The following NES variants were observed in gnomAD, a reference collection of about 807,000 sequenced individuals.
The protein encoded by NES is nestin.
A neutral mutation model predicts 35.6 loss-of-function variants in NES; 27 were observed. The ratio of observed to expected loss-of-function variants is 0.76; its 90% CI spans 0.56 to 1.04. NES has a LOEUF of 1.04. NES is among the 50% of genes least tolerant of loss of function. The pLI, the probability that NES is intolerant of heterozygous loss-of-function variation, is 0.00. For synonymous variants in NES, 822 were observed against 824.2 expected, an observed-to-expected ratio of 1.00 and a Z score of 0.04; for missense variants, 1,867 against 1,983.6, an observed-to-expected ratio of 0.94 and a Z score of 1.12.
At position 156,671,053 on chromosome 1, in the gene NES, T is replaced by C; in HGVS notation, c.3135A>G (p.Ser1045=). 6.2e-7 allele frequency: 1 copy of C among 1,613,646 alleles called. No individual in the cohort carries two copies. The highest frequency in any genetic ancestry group is 1.1e-5 in the South Asian group (1 of 91,060). The change falls in exon 4 of 4, where the codon TCA becomes TCG. Residue 1045 remains serine (S), a synonymous_variant. Coordinates refer to ENST00000368223, the MANE Select transcript of NES (RefSeq NM_006617.2). ...AEGLQDPEGQ[S]QQVGAPGLQA... The stretch of plus-strand genomic sequence containing the variant: ...GGAGGCCTGGGGCCCCCACCTGTTG[T>C]GATTGCCCTTCAGGGTCCTGGAGGC...
At position 156,676,620 on chromosome 1, in the gene NES, C is replaced by A; in HGVS notation, c.645G>T (p.Val215=). Residue 215 remains valine (V), a synonymous_variant, in exon 1 of 4, where the codon GTG becomes GTT. Coordinates refer to ENST00000368223, the MANE Select transcript of NES (RefSeq NM_006617.2). The surrounding 1 kb of genome is among the most constrained non-coding windows in gnomAD (Gnocchi z 5.3). The stretch of plus-strand genomic sequence containing the variant: ...CCAGGCGGCCCTCGCGGGCACCCTG[C>A]ACCGCCCGGCCCAGCCGCTCGCGGG... ...GQARERLGRA[V]QGAREGRLEL... The A allele has an allele frequency of 6.4e-7, 1 of 1,552,116 alleles. No individual in the cohort carries two copies. Among genetic ancestry groups the A allele is most frequent in the Middle Eastern group, 1.8e-4 (1 of 5,684 alleles).
At position 156,671,642 on chromosome 1, in the gene NES, A is replaced by G. The variant is rs776839838; in HGVS notation, c.2546T>C (p.Leu849Pro). Residue 849 changes from leucine to proline, a missense_variant, in exon 4 of 4, where the codon CTG (leucine) becomes CCG (proline). By Grantham distance (98) the Leu-to-Pro change is moderately conservative. Transcript: ENST00000368223. Reference protein sequence around the residue: ...TLKSPETQAPLWTPEEINQGA... With the variant: ...TLKSPETQAPPWTPEEINQGA... ...CTGATTTATTTCTTCTGGAGTCCAC[A>G]GTGGTGCTTGAGTTTCTGGAGATTT... 1.2e-5 allele frequency: 19 copies of G among 1,613,866 alleles called. No individual in the cohort carries two copies. The South Asian group carries it at 2.0e-4, about 17-fold the overall frequency.
chr1:156,676,894 G>C lies in NES; in HGVS notation c.371C>G (p.Ala124Gly). ...CTCTGCCACCTGGCTACTCAGCCAGGCCCGGGCGCATTTCTCTGCCTCGAC... is the reference window on the plus strand; with the variant it reads ...CTCTGCCACCTGGCTACTCAGCCAGCCCCGGGCGCATTTCTCTGCCTCGAC... ...RAVEAEKCAR[A>G]WLSSQVAELE... Residue 124 changes from alanine (A) to glycine (G), a missense_variant, in exon 1 of 4, where the codon GCC becomes GGC. Coordinates refer to ENST00000368223, the MANE Select transcript of NES (RefSeq NM_006617.2). The surrounding 1 kb of genome is among the most constrained non-coding windows in gnomAD (Gnocchi z 5.3). 6.5e-7 allele frequency: 1 copy of C among 1,546,922 alleles called. No individual in the cohort carries two copies. Among genetic ancestry groups the C allele is most frequent in the Non-Finnish European group, 8.6e-7 (1 of 1,157,216 alleles).
intron 2 of NES, among the ~76,000 whole-genome samples, chr1:156,674,612 G>A (rs1306555905): frequency 6.6e-6 from 1 of 152,264 alleles, no homozygotes; most frequent in Non-Finnish European, 1.5e-5. Flanking sequence ...CAAGTGAGAA[G>A]CCACCCCTCC....
rs768984928 is a variant in NES, at chr1:156,672,494, T to C, written c.1694A>G (p.His565Arg). Residue 565 changes from histidine to arginine, a missense_variant, in exon 4 of 4, where the codon CAT becomes CGT. Coordinates refer to ENST00000368223, the MANE Select transcript of NES (RefSeq NM_006617.2). ...TTGATTCTCCCTTTCTAGTGTCTCA[T>C]GGCTCTGGTTTTCCAGAGTCTTCAG... is the stretch of plus-strand genomic sequence containing the variant. ...ESLKTLENQS[H>R]ETLERENQEC... 1 of 1,613,226 alleles carries C rather than the reference T, an allele frequency of 6.2e-7. No homozygotes were observed. Among genetic ancestry groups the C allele is most frequent in the Non-Finnish European group, 8.5e-7 (1 of 1,179,660 alleles).
In NES at chr1:156,670,404, C is replaced by G; in HGVS notation, c.3784G>C (p.Glu1262Gln). The G allele has an allele frequency of 1.9e-6, 3 of 1,578,726 alleles. No individual in the cohort carries two copies. In the South Asian group the frequency reaches 3.5e-5, roughly 19 times the overall value. Residue 1262 changes from glutamate (E) to glutamine (Q), a missense_variant, in exon 4 of 4, where the codon GAG (glutamate) becomes CAG (glutamine). Coordinates refer to ENST00000368223, the MANE Select transcript of NES (RefSeq NM_006617.2). ...RAEALGKVES[E>Q]QEELGSGEIP... ...TCCCCAGAACCCAACTCCTCCTGCT[C>G]GCTCTCTACTTTCCCCAGGGCTTCA... is the stretch of plus-strand genomic sequence containing the variant.
rs1679657938 is a variant in NES at position 156,669,698 on chromosome 1, C to T, written c.4490G>A (p.Gly1497Asp). The T allele has an allele frequency of 1.2e-6, 2 of 1,614,014 alleles. No individual in the cohort carries two copies. The highest frequency in any genetic ancestry group is 2.7e-5 in the African/African-American group (2 of 75,024). ...AACAGGGTCAGACTCTTCCTCTGAG[C>T]CAGAAGGCTCAGCACTGTCCTGGGA... is the stretch of plus-strand genomic sequence containing the variant. ...TESQDSAEPS[G>D]SEEESDPVSL... is the part of the protein sequence containing the mutation. The change falls in exon 4 of 4, where the codon GGC (glycine) becomes GAC (aspartate). Residue 1497 changes from glycine to aspartate, a missense_variant. Transcript: ENST00000368223.
Position 156,677,316 on chromosome 1 carries a change from G to A in NES, c.-52C>T. On this transcript the variant is annotated 5_prime_UTR_variant, in exon 1 of 4. Coordinates refer to ENST00000368223, the MANE Select transcript of NES (RefSeq NM_006617.2). This position sits in a 1 kb window ranked among gnomAD's most constrained non-coding sequence, Gnocchi z 4.5. ...GACAGACGCGGGGCACCGGGAGAAG[G>A]GAGCGGCTCGCAGAGCTTTTAGGAC... The A allele has an allele frequency of 1.3e-6, 2 of 1,488,322 alleles. No homozygotes were observed. The highest frequency in any genetic ancestry group is 1.8e-6 in the Non-Finnish European group (2 of 1,097,920). The allele number at this position is 1,488,322 out of a possible 1,614,324, so 92.2% of individuals were successfully genotyped here. A position where few individuals can be genotyped will look rare whatever the true frequency, so the allele number is the denominator to read the frequency against.
At position 156,672,192 on chromosome 1, in the gene NES, ACT is replaced by A; in HGVS notation, c.1994_1995del (p.Glu665ValfsTer21). The A allele has an allele frequency of 6.2e-7, 1 of 1,609,804 alleles. No individual in the cohort carries two copies. Among genetic ancestry groups the A allele is most frequent in the Non-Finnish European group, 8.5e-7 (1 of 1,179,026 alleles). On this transcript the variant is annotated frameshift_variant, in exon 4 of 4. Coordinates refer to ENST00000368223, the MANE Select transcript of NES (RefSeq NM_006617.2). LOFTEE classifies it low-confidence loss of function (END_TRUNC). Reference sequence around the variant, plus strand: ...TTCTCCTTTTCCAGAGCTGTCAATGACTCTAAGTTCTCTTGCAGAGAACTTAC... The same window carrying A: ...TTCTCCTTTTCCAGAGCTGTCAATGACTAAGTTCTCTTGCAGAGAACTTAC... ...ELVSSLQENLESLTALEKENQ... is the reference protein window; with the variant it reads ...ELVSSLQENLXSLTALEKENQ...
rs1647290707 is a variant in NES at position 156,676,359 on chromosome 1, G to T, written c.783+123C>A. On this transcript the variant is annotated intron_variant, in intron 1 of 3. Transcript: ENST00000368223. This position sits in a 1 kb window ranked among gnomAD's most constrained non-coding sequence, Gnocchi z 5.3. ...AGGACTTGTGGCACCAGGTTTCTGA[G>T]AACTGGCTCCTGATTCAGCAGCCAG... 1 of 947,256 alleles carries T rather than the reference G, an allele frequency of 1.1e-6. No homozygotes were observed. The highest frequency in any genetic ancestry group is 1.6e-6 in the Non-Finnish European group (1 of 640,558). 58.7% of individuals were successfully genotyped at this position (947,256 alleles called of 1,614,324 possible).
Position 156,670,596 on chromosome 1 carries a change from C to G in NES, c.3592G>C (p.Asp1198His). 6.2e-7 allele frequency: 1 copy of G among 1,613,712 alleles called. No homozygotes were observed. Reference protein sequence around the residue: ...PAETLGHTGSDAPSPWPLGSE... With the variant: ...PAETLGHTGSHAPSPWPLGSE... ...CCCAGAGGCCAAGGTGAAGGGGCAT[C>G]ACTTCCAGTGTGGCCCAGGGTCTCA... The change falls in exon 4 of 4, where the codon GAT becomes CAT. Residue 1198 changes from aspartate (D) to histidine (H), a missense_variant. Physicochemically the swap from Asp to His is moderately conservative, Grantham distance 81. Transcript: ENST00000368223.
Position 156,677,156 on chromosome 1 carries a change from T to C in NES, c.109A>G (p.Ser37Gly), listed in dbSNP as rs757478670. The change falls in exon 1 of 4, where the codon AGC (serine) becomes GGC (glycine). Residue 37 changes from serine to glycine, a missense_variant. Ser to Gly is a moderately conservative substitution (Grantham distance 56). Transcript: ENST00000368223. This position sits in a 1 kb window ranked among gnomAD's most constrained non-coding sequence, Gnocchi z 4.5. ...GCCCGGAGCCCCCCGAGCTCCGCGCTGAGCAGCTCATTCTGCTCCTCCAGC... is the reference window on the plus strand; with the variant it reads ...GCCCGGAGCCCCCCGAGCTCCGCGCCGAGCAGCTCATTCTGCTCCTCCAGC... Reference protein sequence around the residue: ...KALEEQNELLSAELGGLRAQS... With the variant: ...KALEEQNELLGAELGGLRAQS... The C allele has an allele frequency of 6.2e-7, 1 of 1,611,728 alleles. No individual in the cohort carries two copies. Among genetic ancestry groups the C allele is most frequent in the South Asian group, 1.1e-5 (1 of 90,856 alleles).
Position 156,673,384 on chromosome 1 carries a change from G to C in NES, c.982+70C>G, listed in dbSNP as rs778845151. Reference sequence around the variant, plus strand: ...CTTGAAATTTAGATTGGTGCCTCTCGGGAAAGATAGGTCTGGGTATGAAGA... The same window carrying C: ...CTTGAAATTTAGATTGGTGCCTCTCCGGAAAGATAGGTCTGGGTATGAAGA... On this transcript the variant is annotated intron_variant, in intron 3 of 3. Transcript: ENST00000368223. The C allele has an allele frequency of 1.2e-4, 176 of 1,466,660 alleles. 2 individuals are homozygous for C. In the Admixed American group the frequency reaches 3.3e-3, roughly 27 times the overall value. The allele number at this position is 1,466,660 out of a possible 1,614,324, so 90.9% of individuals were successfully genotyped here. A position where few individuals can be genotyped will look rare whatever the true frequency, so the allele number is the denominator to read the frequency against.
Position 156,675,286 on chromosome 1 carries a change from G to C in NES, c.838C>G (p.Gln280Glu), listed in dbSNP as rs970081517. ...AGCTGCTGCCGACCTTCCAGGACCT[G>C]AGCGATCTGGCTCTGTAGGCCCTGT... ...EKQGLQSQIA[Q>E]VLEGRQQLAH... The change falls in exon 2 of 4, where the codon CAG (glutamine) becomes GAG (glutamate). Residue 280 changes from glutamine to glutamate, a missense_variant. Transcript: ENST00000368223. The C allele has an allele frequency of 2.5e-6, 4 of 1,613,468 alleles. No individual in the cohort carries two copies. In the African/African-American group the frequency reaches 4.0e-5, roughly 16 times the overall value.
At chr1:156,674,994 G>A (rs1679812059) in intron 2 of NES, among the ~76,000 whole-genome samples, 1 of 152,238 alleles carries the variant, frequency 6.6e-6, no homozygotes, top group South Asian at 2.1e-4. Context: ...CTCCTGGGGG[G>A]ATTTCCTGGG....
At position 156,677,279 on chromosome 1, in the gene NES, C is replaced by T. The variant is rs556147551; in HGVS notation, c.-15G>A. 2.0e-5 allele frequency: 32 copies of T among 1,605,274 alleles called. No individual in the cohort carries two copies. The African/African-American group carries it at 3.9e-4, about 20-fold the overall frequency. On this transcript the variant is annotated 5_prime_UTR_variant, in exon 1 of 4. Transcript: ENST00000368223. This position sits in a 1 kb window ranked among gnomAD's most constrained non-coding sequence, Gnocchi z 4.5. Reference sequence around the variant, plus strand: ...CAGCCCTCCATCCTGCTCGTCTGACCCACTGAGGATGGACAGACGCGGGGC... The same window carrying T: ...CAGCCCTCCATCCTGCTCGTCTGACTCACTGAGGATGGACAGACGCGGGGC...
chr1:156,669,884 C>G lies in NES; in HGVS notation c.4304G>C (p.Gly1435Ala). 6.2e-7 allele frequency: 1 copy of G among 1,613,724 alleles called. No individual in the cohort carries two copies. The highest frequency in any genetic ancestry group is 8.5e-7 in the Non-Finnish European group (1 of 1,179,872). Residue 1435 changes from glycine (G) to alanine (A), a missense_variant, in exon 4 of 4, where the codon GGG becomes GCG. Coordinates refer to ENST00000368223, the MANE Select transcript of NES (RefSeq NM_006617.2). Reference sequence around the variant, plus strand: ...AACAGAAGACCCTGGCCCCCACCGCCCAGCCCCTGGCTCCCTCCCCTCCTC... The same window carrying G: ...AACAGAAGACCCTGGCCCCCACCGCGCAGCCCCTGGCTCCCTCCCCTCCTC... ...DQEEGREPGA[G>A]RWGPGSSVGS...
Position 156,669,683 on chromosome 1 carries a change from G to C in NES, c.4505C>G (p.Ser1502Cys). The C allele has an allele frequency of 6.2e-7, 1 of 1,614,048 alleles. No homozygotes were observed. Among genetic ancestry groups the C allele is most frequent in the Non-Finnish European group, 8.5e-7 (1 of 1,179,950 alleles). Residue 1502 changes from serine (S) to cysteine (C), a missense_variant, in exon 4 of 4, where the codon TCT becomes TGT. By Grantham distance (112) the Ser-to-Cys change is moderately radical. Transcript: ENST00000368223. ...SAEPSGSEEE[S>C]DPVSLEREDK... Reference sequence around the variant, plus strand: ...CTCCCTCTCCAAGGAAACAGGGTCAGACTCTTCCTCTGAGCCAGAAGGCTC... The same window carrying C: ...CTCCCTCTCCAAGGAAACAGGGTCACACTCTTCCTCTGAGCCAGAAGGCTC...
chr1:156,675,775 G>C (rs1007033707), intron 1 of NES, among the ~76,000 whole-genome samples: 1 of 151,982 alleles, frequency 6.6e-6, no homozygotes, highest in Non-Finnish European at 1.5e-5. Context: ...GTCCCCCGTT[G>C]GTCCCATCTC....
Sources: allele counts gnomAD v4.1 joint callset (sites outside exome capture counted in the v4.1 genomes callset), GRCh38; gene constraint gnomAD v4.1.1; non-coding constraint Gnocchi (gnomAD v3.1); transcripts MANE v1.5; gene names NCBI Gene and HGNC (gene_info 2026-07-23, HGNC 2026-07-21).